The following FRMPD1 variants were observed in gnomAD, a reference collection of about 807,000 sequenced individuals.
FRMPD1 encodes the protein FERM and PDZ domain containing 1, also known as FERM and PDZ domain-containing protein 1.
A neutral mutation model predicts 117.8 loss-of-function variants in FRMPD1; 76 were observed. That is an observed-to-expected ratio of 0.65 (90% confidence interval 0.54 to 0.78). FRMPD1 has a LOEUF of 0.78. FRMPD1 is among the 30% of genes least tolerant of loss of function. The probability of loss-of-function intolerance (pLI) is 0.00; values close to 1 mark genes in which losing one functional copy is unlikely to be tolerated. For synonymous variants in FRMPD1, 783 were observed against 770.4 expected (o/e 1.02, Z -0.27); for missense variants, 1,786 against 1,964.5 (o/e 0.91, Z 1.72).
chr9:37,632,944 TA>T, the FRMPD1 span, among the ~76,000 whole-genome samples: 358 of 147,572 alleles, frequency 2.4e-3, 2 homozygotes, highest in African/African-American at 8.3e-3. Flanking sequence ...TTTATATATA[TA>T]AAAATATATA....
chr9:37,646,037 C>T (rs539054606), upstream of FRMPD1, among the ~76,000 whole-genome samples: 42 of 152,260 alleles, frequency 2.8e-4, no homozygotes, highest in African/African-American at 8.4e-4. Flanking sequence ...GGGTCTAGAA[C>T]GCTAGGGCAC....
chr9:37,619,893 C>A, the FRMPD1 span, among the ~76,000 whole-genome samples: 2 of 149,418 alleles, frequency 1.3e-5, no homozygotes, highest in East Asian at 3.9e-4. Context: ...TTGTAGGTGC[C>A]AATTGACACT....
chr9:37,712,528 GTATTTT>G (rs1822946476), intron 5 of FRMPD1, among the ~76,000 whole-genome samples: 1 of 152,092 alleles, frequency 6.6e-6, no homozygotes, highest in East Asian at 1.9e-4. Context: ...GCTAATTTTT[GTATTTT>G]TAGTAGAGAC....
rs776673225 is a variant in FRMPD1 at position 37,744,888 on chromosome 9, T to C, written c.2856T>C (p.Asn952=). The change falls in exon 16 of 16, where the codon AAT becomes AAC. Residue 952 remains asparagine, a synonymous_variant. Transcript: ENST00000377765. ...TTCGCTTCCGGATTGACCCCAACAA[T>C]AAAGAGAATTCTGGTGTTGTCCCTG... is the stretch of plus-strand genomic sequence containing the variant. The part of the protein sequence containing the change: ...SAIRFRIDPN[N]KENSGVVPAA... 6 of 1,614,110 alleles carry C rather than the reference T, an allele frequency of 3.7e-6. No homozygotes were observed. Among genetic ancestry groups the C allele is most frequent in the Non-Finnish European group, 5.1e-6 (6 of 1,180,008 alleles).
chr9:37,681,290 C>T (rs890532860), intron 1 of FRMPD1, among the ~76,000 whole-genome samples: 2 of 151,342 alleles, frequency 1.3e-5, no homozygotes, highest in African/African-American at 4.9e-5. Flanking sequence ...CTTATGGCCA[C>T]AGGTGAAATG....
chr9:37,728,235 T>C (rs1823700025), intron 7 of FRMPD1, among the ~76,000 whole-genome samples: 1 of 152,122 alleles, frequency 6.6e-6, no homozygotes, highest in African/African-American at 2.4e-5. Context: ...CAATTACAGC[T>C]AGGAATTGGG....
At position 37,686,321 on chromosome 9, in the gene FRMPD1, G is replaced by A. The variant is rs565647036; in HGVS notation, c.-4-6317G>A. On this transcript the variant is annotated intron_variant, in intron 1 of 15. Coordinates refer to ENST00000377765, the MANE Select transcript of FRMPD1 (RefSeq NM_014907.3). ...TGGAGGACTCAAGCTGCAGACGAGTGGAATTCAGCTTTATGTAAAGAAACT... is the reference window on the plus strand; with the variant it reads ...TGGAGGACTCAAGCTGCAGACGAGTAGAATTCAGCTTTATGTAAAGAAACT... 2.6e-5 allele frequency among the ~76,000 whole-genome samples: 4 copies of A among 152,274 alleles called. No homozygotes were observed. The East Asian group carries it at 5.8e-4, about 22-fold the overall frequency.
At chr9:37,694,833 C>T (rs1822265141) in intron 2 of FRMPD1, among the ~76,000 whole-genome samples, 1 of 150,528 alleles carries the variant, frequency 6.6e-6, no homozygotes, top group African/African-American at 2.5e-5. Flanking sequence ...TCTTCTTTTG[C>T]TTATCTTCTT....
In FRMPD1 at chr9:37,692,671, G is replaced by A; in HGVS notation, c.30G>A (p.Gln10=). 6.2e-7 allele frequency: 1 copy of A among 1,613,744 alleles called. No homozygotes were observed. The highest frequency in any genetic ancestry group is 8.5e-7 in the Non-Finnish European group (1 of 1,179,658). ...AAGAGCTGGAGACCAGTTTATTCCAGACACGGAAAGCACATAGAATAGAAC... is the reference window on the plus strand; with the variant it reads ...AAGAGCTGGAGACCAGTTTATTCCAAACACGGAAAGCACATAGAATAGAAC... The part of the protein sequence containing the change: MEELETSLF[Q]TRKAHRIEQM... Residue 10 remains glutamine (Q), a synonymous_variant, in exon 2 of 16, where the codon CAG becomes CAA. Transcript: ENST00000377765.
chr9:37,616,231 G>A, the FRMPD1 span, among the ~76,000 whole-genome samples: 1 of 149,410 alleles, frequency 6.7e-6, no homozygotes, highest in Non-Finnish European at 1.5e-5. Flanking sequence ...TATTCTCCTG[G>A]TTCACCCTCT....
chr9:37,714,127 A>G (rs1409121943), intron 5 of FRMPD1, among the ~76,000 whole-genome samples: 1 of 152,254 alleles, frequency 6.6e-6, no homozygotes, highest in East Asian at 1.9e-4. Context: ...AAGTTCTTCT[A>G]TTCTTAACAG....
At chr9:37,720,510 A>G (rs1265964326) in intron 6 of FRMPD1, among the ~76,000 whole-genome samples, 1 of 152,128 alleles carries the variant, frequency 6.6e-6, no homozygotes, top group Non-Finnish European at 1.5e-5. Flanking sequence ...TAAAAAATAC[A>G]AAAAATTAGC....
intron 1 of FRMPD1, among the ~76,000 whole-genome samples, chr9:37,678,665 T>C (rs1039640196): frequency 6.6e-6 from 1 of 152,232 alleles, no homozygotes; most frequent in African/African-American, 2.4e-5. Context: ...GTGATTTTTG[T>C]CTTTTTTGCT....
intron 2 of FRMPD1, among the ~76,000 whole-genome samples, chr9:37,699,343 A>C (rs1206846862): frequency 2.1e-5 from 3 of 140,864 alleles, no homozygotes; most frequent in Non-Finnish European, 3.1e-5. Flanking sequence ...TTTTTGAGAT[A>C]GGGTCTTGCT....
intron 2 of FRMPD1, 147 bp downstream of exon 2, chr9:37,692,889 C>A: frequency 1.5e-6 from 1 of 651,016 alleles, no homozygotes; most frequent in Admixed American, 2.5e-5. Context: ...GTAAACAGGT[C>A]AGCAATTTTG....
Position 37,745,681 on chromosome 9 carries a change from G to A in FRMPD1, c.3649G>A (p.Val1217Ile), listed in dbSNP as rs57942614. The change falls in exon 16 of 16, where the codon GTT becomes ATT. Residue 1217 changes from valine to isoleucine, a missense_variant. By Grantham distance (29) the Val-to-Ile change is conservative. Coordinates refer to ENST00000377765, the MANE Select transcript of FRMPD1 (RefSeq NM_014907.3). ...DPDFFLGKQTVSPAVPPEGIK... is the reference protein window; with the variant it reads ...DPDFFLGKQTISPAVPPEGIK... ...TGATTTCTTTCTTGGGAAGCAGACA[G>A]TTTCACCAGCCGTCCCTCCAGAGGG... 3.6e-3 allele frequency: 5,756 copies of A among 1,614,142 alleles called. 178 individuals carry two copies. The African/African-American group carries it at 0.065, about 18-fold the overall frequency.
intron 1 of FRMPD1, among the ~76,000 whole-genome samples, chr9:37,663,944 T>A (rs1288542365): frequency 6.6e-6 from 1 of 152,186 alleles, no homozygotes; most frequent in African/African-American, 2.4e-5. Context: ...ACCATGCATC[T>A]TTTCCCCGAA....
At chr9:37,629,561 C>T in the FRMPD1 span, among the ~76,000 whole-genome samples, 12 of 152,278 alleles carry the variant, frequency 7.9e-5, no homozygotes, top group African/African-American at 2.9e-4. Context: ...GGGCCACCCG[C>T]CAACATCATT....
At chr9:37,643,728 A>T in the FRMPD1 span, among the ~76,000 whole-genome samples, 6 of 152,164 alleles carry the variant, frequency 3.9e-5, no homozygotes, top group Non-Finnish European at 7.3e-5. Flanking sequence ...ACTTATATCC[A>T]CAAGTGGGTA....
Sources: allele counts gnomAD v4.1 joint callset (sites outside exome capture counted in the v4.1 genomes callset), GRCh38; gene constraint gnomAD v4.1.1; transcripts MANE v1.5; gene names NCBI Gene and HGNC (gene_info 2026-07-23, HGNC 2026-07-21).